The following RAB3GAP2 variants were observed in gnomAD, a reference collection of about 807,000 sequenced individuals.
The protein encoded by RAB3GAP2 is rab3 GTPase-activating protein non-catalytic subunit.
RAB3GAP2 carries 87 observed loss-of-function variants against 185.3 expected under a neutral mutation model. That is an observed-to-expected ratio of 0.47 (90% CI 0.39 to 0.56). RAB3GAP2 has a LOEUF of 0.56. RAB3GAP2 is among the 20% of genes least tolerant of loss of function. RAB3GAP2 has a pLI of 0.00. For synonymous variants in RAB3GAP2, 554 were observed against 576.1 expected (o/e 0.96, Z 0.55); for missense variants, 1,492 against 1,638.2 (o/e 0.91, Z 1.54).
At chr1:220,164,442 A>G (rs1326773108) in intron 27 of RAB3GAP2, among the ~76,000 whole-genome samples, 5 of 132,594 alleles carry the variant, frequency 3.8e-5, no homozygotes, top group African/African-American at 2.9e-5. Context: ...AATGGCCAGT[A>G]CTGTTTTTTT....
intron 2 of RAB3GAP2, chr1:220,220,276 T>A (rs1659281507): frequency 1.3e-5 from 2 of 152,286 alleles, no homozygotes; most frequent in Non-Finnish European, 2.9e-5. Flanking sequence ...AGCCCGTCCC[T>A]TCCCTGCCAC....
intron 1 of RAB3GAP2, chr1:220,271,333 G>C (rs2808018): frequency 6.6e-6 from 1 of 151,854 alleles, no homozygotes; most frequent in Admixed American, 6.6e-5. Context: ...ATGTGCTTCA[G>C]GTTGGAAATG....
In RAB3GAP2 at chr1:220,150,263, A is replaced by G. The variant is rs1039465149; in HGVS notation, c.*988T>C. 2.6e-5 allele frequency: 4 copies of G among 152,306 alleles called. No individual in the cohort carries two copies. Among genetic ancestry groups the G allele is most frequent in the African/African-American group, 9.7e-5 (4 of 41,374 alleles). The allele number at this position is 152,306 out of a possible 1,614,324, so 9.4% of individuals were successfully genotyped here. ...GCACTTGGACTGCTCTAGGCACTATAGGGTACAAAATTAGTTGTATTTTAT... is the reference window on the plus strand; with the variant it reads ...GCACTTGGACTGCTCTAGGCACTATGGGGTACAAAATTAGTTGTATTTTAT... On this transcript the variant is annotated 3_prime_UTR_variant, in exon 35 of 35. Coordinates refer to ENST00000358951, the MANE Select transcript of RAB3GAP2 (RefSeq NM_012414.4).
chr1:220,256,167 A>G (rs1390671222), intron 1 of RAB3GAP2, among the ~76,000 whole-genome samples: 2 of 152,230 alleles, frequency 1.3e-5, no homozygotes, highest in African/African-American at 4.8e-5. Flanking sequence ...AGCTTCATAG[A>G]TGAAGGAGAA....
At chr1:220,245,293 G>A (rs914630480) in intron 1 of RAB3GAP2, among the ~76,000 whole-genome samples, 10 of 152,214 alleles carry the variant, frequency 6.6e-5, no homozygotes, top group African/African-American at 1.7e-4. Flanking sequence ...GACAGTGGGC[G>A]CAGGCCAGTG....
At chr1:220,173,122 T>C (rs549812149) in intron 21 of RAB3GAP2, among the ~76,000 whole-genome samples, 20 of 152,358 alleles carry the variant, frequency 1.3e-4, no homozygotes, top group African/African-American at 4.6e-4. Flanking sequence ...AGGTAGGATC[T>C]GTAGCTGTGG....
In RAB3GAP2 at chr1:220,157,448, T is replaced by C. The variant is rs756872898; in HGVS notation, c.3377A>G (p.Asp1126Gly). ...CACGGAGAGCCACGCATCCTCAGTA[T>C]CCAGCACAGGCACCTGTATTTCATC... ...SRDEIQVPVLDTEDAWLSVEG... is the reference protein window; with the variant it reads ...SRDEIQVPVLGTEDAWLSVEG... Residue 1126 changes from aspartate (D) to glycine (G), a missense_variant, in exon 31 of 35, where the codon GAT becomes GGT. Asp to Gly is a moderately conservative substitution (Grantham distance 94, BLOSUM62 -1). Transcript: ENST00000358951. 1 of 1,613,848 alleles carries C rather than the reference T, an allele frequency of 6.2e-7. No homozygotes were observed. The highest frequency in any genetic ancestry group is 8.5e-7 in the Non-Finnish European group (1 of 1,180,002).
intron 1 of RAB3GAP2, among the ~76,000 whole-genome samples, chr1:220,236,117 A>G (rs953119041): frequency 2.6e-5 from 4 of 152,184 alleles, no homozygotes; most frequent in African/African-American, 9.7e-5. Context: ...AATTATAGTC[A>G]CCTTAAAAAT....
In RAB3GAP2 at chr1:220,212,894, C is replaced by T. The variant is rs747224775; in HGVS notation, c.379G>A (p.Glu127Lys). ...AAATTAACTGGCACCTACCCTTCTT[C>T]GACATTTAAGGAACCACTCCAGCCA... ...AVGWSGSLNVEEGECVTSALC... is the reference protein window; with the variant it reads ...AVGWSGSLNVKEGECVTSALC... Residue 127 changes from glutamate (E) to lysine (K), a missense_variant, in exon 4 of 35, where the codon GAA (glutamate) becomes AAA (lysine). By Grantham distance (56) the Glu-to-Lys change is moderately conservative. Coordinates refer to ENST00000358951, the MANE Select transcript of RAB3GAP2 (RefSeq NM_012414.4). The T allele has an allele frequency of 2.2e-5, 35 of 1,611,988 alleles. No homozygotes were observed. Among genetic ancestry groups the T allele is most frequent in the South Asian group, 1.2e-4 (11 of 91,028 alleles).
chr1:220,152,724 TA>T (rs1657785064), intron 33 of RAB3GAP2, among the ~76,000 whole-genome samples: 1 of 152,174 alleles, frequency 6.6e-6, no homozygotes, highest in South Asian at 2.1e-4. Flanking sequence ...TAAAAATAAA[TA>T]TTTTTTTCCT....
chr1:220,212,500 T>A (rs73087821), intron 4 of RAB3GAP2, among the ~76,000 whole-genome samples: 12,567 of 148,044 alleles, frequency 0.085, 709 homozygotes, highest in African/African-American at 0.16. Flanking sequence ...TTCTAAAAAA[T>A]TTTTTTTTTT....
rs1657792954 is a variant in RAB3GAP2 at position 220,153,099 on chromosome 1, G to A, written c.3867+86C>T. ...GTTCTAATAAAAGGAAGAGCAAAAG[G>A]CTTCATTGGAAACTTAACTGATTCT... On this transcript the variant is annotated intron_variant, in intron 33 of 34. Transcript: ENST00000358951. 4.0e-6 allele frequency: 4 copies of A among 994,018 alleles called. No individual in the cohort carries two copies. The South Asian group carries it at 5.1e-5, about 13-fold the overall frequency. 61.6% of individuals were successfully genotyped at this position (994,018 alleles called of 1,614,324 possible).
chr1:220,250,787 T>C (rs1659917942), intron 1 of RAB3GAP2, among the ~76,000 whole-genome samples: 1 of 152,204 alleles, frequency 6.6e-6, no homozygotes, highest in Admixed American at 6.5e-5. Flanking sequence ...GATGGTTTTA[T>C]AAGGGGCTCT....
chr1:220,245,646 C>T (rs1335809418), intron 1 of RAB3GAP2, among the ~76,000 whole-genome samples: 7 of 151,576 alleles, frequency 4.6e-5, no homozygotes, highest in Admixed American at 2.0e-4. Context: ...CCGGGAAGCC[C>T]CAACTGGGTG....
At chr1:220,222,610 A>C (rs747057242) in intron 2 of RAB3GAP2, among the ~76,000 whole-genome samples, 5 of 152,246 alleles carry the variant, frequency 3.3e-5, no homozygotes, top group Admixed American at 3.3e-4. Flanking sequence ...TCTTTCTAGC[A>C]TTAGAGGAAC....
chr1:220,249,035 GAGA>G (rs1659879020), intron 1 of RAB3GAP2, among the ~76,000 whole-genome samples: 1 of 152,296 alleles, frequency 6.6e-6, no homozygotes, highest in Admixed American at 6.5e-5. Context: ...ATGGCAGCAT[GAGA>G]ACAAACTAAT....
chr1:220,173,702 A>C (rs1658221345), intron 21 of RAB3GAP2, among the ~76,000 whole-genome samples: 1 of 152,156 alleles, frequency 6.6e-6, no homozygotes, highest in African/African-American at 2.4e-5. Flanking sequence ...ATAAGCTCAT[A>C]CGGGAAAGCT....
At chr1:220,152,120 A>G (rs1657768584) in intron 33 of RAB3GAP2, among the ~76,000 whole-genome samples, 1 of 152,110 alleles carries the variant, frequency 6.6e-6, no homozygotes, top group Admixed American at 6.6e-5. Flanking sequence ...CTGCCACCCA[A>G]GCTGGAGTGC....
At chr1:220,172,187 A>G in intron 22 of RAB3GAP2, 138 bp from the exon 23 acceptor site, 1 of 819,594 alleles carries the variant, frequency 1.2e-6, no homozygotes, top group Non-Finnish European at 2.0e-6. Flanking sequence ...TGGAAGTCTA[A>G]CAATCTATTT....
Sources: gnomAD v4.1 joint callset for allele counts (sites outside exome capture counted in the v4.1 genomes callset) on GRCh38, gnomAD v4.1.1 for gene constraint, MANE v1.5 for transcripts, NCBI Gene and HGNC (gene_info 2026-07-23, HGNC 2026-07-21) for gene names.